Variants in IGF2R observed in about 807,000 individuals in gnomAD.
The protein encoded by IGF2R is insulin like growth factor 2 receptor, also known as cation-independent mannose-6-phosphate receptor.
A neutral mutation model predicts 270.6 loss-of-function variants in IGF2R; 91 were observed. The ratio of observed to expected loss-of-function variants is 0.34; its 90% CI spans 0.28 to 0.40. The LOEUF (loss-of-function observed/expected upper bound fraction) is 0.40, where lower values mean the gene tolerates loss of function less well. IGF2R is among the 10% of genes least tolerant of loss of function. The pLI is 1.00. For missense variants in IGF2R, 2,805 were observed against 3,188.3 expected (o/e 0.88, Z 2.90); for synonymous variants, 1,316 against 1,258.9 (o/e 1.05, Z -0.96).
rs776830332 is a variant in IGF2R at position 160,073,329 on chromosome 6, G to A, written c.4807G>A (p.Gly1603Ser). 1.2e-5 allele frequency: 19 copies of A among 1,614,144 alleles called. No individual in the cohort carries two copies. The highest frequency in any genetic ancestry group is 8.9e-5 in the East Asian group (4 of 44,896). Residue 1603 changes from glycine to serine, a missense_variant, in exon 34 of 48, where the codon GGC becomes AGC. By Grantham distance (56) the Gly-to-Ser change is moderately conservative. Transcript: ENST00000356956. ...TGGGTCCCCTTGTCCCTCCAAATCC[G>A]GCCTGAGCTATAAGAGTGTGATCAG... ...KDGSPCPSKS[G>S]LSYKSVISFV...
At chr6:160,023,438 T>C (rs1331658990) in intron 4 of IGF2R, among the ~76,000 whole-genome samples, 15 of 152,084 alleles carry the variant, frequency 9.9e-5, no homozygotes, top group Admixed American at 9.8e-4. Flanking sequence ...ACATGAAATT[T>C]GAGATGGTTT....
intron 5 of IGF2R, among the ~76,000 whole-genome samples, chr6:160,026,118 C>T (rs1259631828): frequency 6.6e-6 from 1 of 152,206 alleles, no homozygotes; most frequent in Non-Finnish European, 1.5e-5. Context: ...CTCCTTGCAT[C>T]CTCAGGGCGC....
intron 1 of IGF2R, among the ~76,000 whole-genome samples, chr6:159,979,113 T>C (rs1321441210): frequency 6.6e-6 from 1 of 152,216 alleles, no homozygotes; most frequent in Non-Finnish European, 1.5e-5. Flanking sequence ...GCCACCTTCT[T>C]CATGCCTGCT....
At chr6:160,046,743 ATGAC>A in intron 15 of IGF2R, 98 bp downstream of exon 15, 3 of 1,286,698 alleles carry the variant, frequency 2.3e-6, no homozygotes, top group Non-Finnish European at 3.2e-6. Context: ...TCATTGCTTT[ATGAC>A]AAGCATTTAA....
At chr6:160,104,214 T>C (rs1779560045) in intron 47 of IGF2R, among the ~76,000 whole-genome samples, 1 of 152,160 alleles carries the variant, frequency 6.6e-6, no homozygotes, top group African/African-American at 2.4e-5. Flanking sequence ...GTGGTCTCGA[T>C]GGGTAATGAT....
intron 1 of IGF2R, among the ~76,000 whole-genome samples, chr6:159,977,003 A>G (rs772484410): frequency 6.6e-6 from 1 of 152,216 alleles, no homozygotes; most frequent in Non-Finnish European, 1.5e-5. Context: ...GTGGACAGGC[A>G]TGTAGCTGGA....
Position 160,034,533 on chromosome 6 carries a change from G to T in IGF2R, c.1315+11G>T, listed in dbSNP as rs372480709. On this transcript the variant is annotated intron_variant, in intron 10 of 47. Coordinates refer to ENST00000356956, the MANE Select transcript of IGF2R (RefSeq NM_000876.4). ...GCAATAAAACCGCAGGTAAGTGTGC[G>T]CTGGAGTTCAGCCCCTCCTCTTTGC... 1.1e-4 allele frequency: 179 copies of T among 1,556,912 alleles called. 3 individuals are homozygous for T. The South Asian group carries it at 2.0e-3, about 17-fold the overall frequency.
chr6:160,107,337 G>C lies in IGF2R; in HGVS notation c.*2253G>C, dbSNP rs1389713193. On this transcript the variant is annotated 3_prime_UTR_variant, in exon 48 of 48. Transcript: ENST00000356956. Reference sequence around the variant, plus strand: ...CCTTGGTAAGCTGGATGGCAAAAAGGCATGTTGTCTGCACCACTGGCTGCC... The same window carrying C: ...CCTTGGTAAGCTGGATGGCAAAAAGCCATGTTGTCTGCACCACTGGCTGCC... 1.3e-5 allele frequency: 2 copies of C among 152,226 alleles called. No individual in the cohort carries two copies. Among genetic ancestry groups the C allele is most frequent in the African/African-American group, 4.8e-5 (2 of 41,458 alleles). The allele number at this position is 152,226 out of a possible 1,614,324, so 9.4% of individuals were successfully genotyped here. A position where few individuals can be genotyped will look rare whatever the true frequency, so the allele number is the denominator to read the frequency against.
Position 160,073,915 on chromosome 6 carries a change from C to T in IGF2R, c.5106C>T (p.His1702=), listed in dbSNP as rs140485195. ...TTTGTCAGCCACTAAATCCCATGCACGGAGTGCCCTGTCCTGCCGGAGCCG... is the reference window on the plus strand; with the variant it reads ...TTTGTCAGCCACTAAATCCCATGCATGGAGTGCCCTGTCCTGCCGGAGCCG... ...INICQPLNPM[H]GVPCPAGAAV... is the part of the protein sequence containing the mutation. The change falls in exon 35 of 48, where the codon CAC becomes CAT. Residue 1702 remains histidine, a synonymous_variant. Coordinates refer to ENST00000356956, the MANE Select transcript of IGF2R (RefSeq NM_000876.4). 37 of 1,614,194 alleles carry T rather than the reference C, an allele frequency of 2.3e-5. No homozygotes were observed. The highest frequency in any genetic ancestry group is 3.3e-5 in the South Asian group (3 of 91,078).
chr6:160,048,491 C>T lies in IGF2R; in HGVS notation c.2462C>T (p.Pro821Leu), dbSNP rs150801390. 255 of 1,614,146 alleles carry T rather than the reference C, an allele frequency of 1.6e-4. No homozygotes were observed. The African/African-American group carries it at 1.7e-3, about 11-fold the overall frequency. The change falls in exon 18 of 48, where the codon CCG becomes CTG. Residue 821 changes from proline (P) to leucine (L), a missense_variant. Pro to Leu is a moderately conservative substitution (Grantham distance 98). Coordinates refer to ENST00000356956, the MANE Select transcript of IGF2R (RefSeq NM_000876.4). Reference protein sequence around the residue: ...INVCRPLNPVPGCNRYASACQ... With the variant: ...INVCRPLNPVLGCNRYASACQ... ...GTGTGTCGGCCTCTGAATCCAGTGC[C>T]GGGCTGCAACCGATATGCATCGGCT...
intron 6 of IGF2R, among the ~76,000 whole-genome samples, chr6:160,028,722 G>A (rs1299932286): frequency 6.6e-6 from 1 of 152,128 alleles, no homozygotes; most frequent in East Asian, 1.9e-4. Flanking sequence ...GGTGCTGTGG[G>A]GTTAAGACAA....
intron 18 of IGF2R, among the ~76,000 whole-genome samples, chr6:160,048,945 G>C (rs965420421): frequency 3.9e-5 from 6 of 152,214 alleles, no homozygotes; most frequent in African/African-American, 1.4e-4. Flanking sequence ...GGATGAACCA[G>C]ATTCAAGCAC....
At chr6:160,047,708 T>G in intron 16 of IGF2R, 84 bp from the exon 17 acceptor site, 2 of 860,934 alleles carry the variant, frequency 2.3e-6, no homozygotes, top group African/African-American at 1.6e-5. Context: ...TTGGGAACAT[T>G]GCTCTCGTCC....
chr6:160,050,691 A>AT lies in IGF2R; in HGVS notation c.2694+45dup, dbSNP rs1248913224. The AT allele has an allele frequency of 1.3e-6, 2 of 1,552,802 alleles. No individual in the cohort carries two copies. Among genetic ancestry groups the AT allele is most frequent in the Middle Eastern group, 1.9e-4 (1 of 5,382 alleles). ...GCTGGCTGGTGACCTTCACTGCTGCATTTTTTGACTGAGCGTTGCCTTATG... is the reference window on the plus strand; with the variant it reads ...GCTGGCTGGTGACCTTCACTGCTGCATTTTTTTGACTGAGCGTTGCCTTATG... On this transcript the variant is annotated intron_variant, in intron 19 of 47. Coordinates refer to ENST00000356956, the MANE Select transcript of IGF2R (RefSeq NM_000876.4). The surrounding 1 kb of genome is among the most constrained non-coding windows in gnomAD (Gnocchi z 4.0).
At chr6:160,014,624 C>A (rs1777244377) in intron 4 of IGF2R, among the ~76,000 whole-genome samples, 1 of 152,234 alleles carries the variant, frequency 6.6e-6, no homozygotes, top group Non-Finnish European at 1.5e-5. Context: ...CATATGCCAT[C>A]TTGCTCCCTT....
intron 2 of IGF2R, among the ~76,000 whole-genome samples, chr6:159,996,879 G>A (rs951924292): frequency 5.9e-5 from 9 of 152,192 alleles, no homozygotes; most frequent in African/African-American, 2.2e-4. Context: ...TCCTGGCTCA[G>A]TGGAAGTCGT....
chr6:160,064,279 C>CT, intron 27 of IGF2R, 122 bp from the exon 28 acceptor site: 1 of 1,118,256 alleles, frequency 8.9e-7, no homozygotes, highest in Admixed American at 1.7e-5. Flanking sequence ...TGGTATGGTG[C>CT]TGGGAGGCCA....
In IGF2R at chr6:160,044,581, A is replaced by G. The variant is rs1171854912; in HGVS notation, c.1689A>G (p.Gln563=). The G allele has an allele frequency of 6.8e-6, 11 of 1,606,880 alleles. No homozygotes were observed. Among genetic ancestry groups the G allele is most frequent in the South Asian group, 2.2e-5 (2 of 90,318 alleles). Residue 563 remains glutamine (Q), a synonymous_variant, in exon 13 of 48, where the codon CAA becomes CAG. Transcript: ENST00000356956. Reference sequence around the variant, plus strand: ...CCATGAAAGAGAAAGGAAACATTCAACTCTCTTATTCAGATGGTGATGATT... The same window carrying G: ...CCATGAAAGAGAAAGGAAACATTCAGCTCTCTTATTCAGATGGTGATGATT... ...SSPMKEKGNI[Q]LSYSDGDDCG...
Position 160,073,469 on chromosome 6 carries a change from G to C in IGF2R, c.4947G>C (p.Ala1649=), listed in dbSNP as rs774685428. The part of the protein sequence containing the change: ...SWHTPLACEQ[A]TECSVRNGSS... The stretch of plus-strand genomic sequence containing the variant: ...ACACGCCGCTGGCCTGCGAGCAAGC[G>C]GTGAGTTTTCAGATGGGCACGGGAG... The change falls in exon 34 of 48, where the codon GCG becomes GCC. Residue 1649 remains alanine (A), a splice_region_variant and synonymous_variant. Transcript: ENST00000356956. 3 of 1,614,066 alleles carry C rather than the reference G, an allele frequency of 1.9e-6. No homozygotes were observed. The highest frequency in any genetic ancestry group is 2.5e-6 in the Non-Finnish European group (3 of 1,179,970).
Sources: allele counts gnomAD v4.1 joint callset (sites outside exome capture counted in the v4.1 genomes callset), GRCh38; gene constraint gnomAD v4.1.1; non-coding constraint Gnocchi (gnomAD v3.1); transcripts MANE v1.5; gene names NCBI Gene and HGNC (gene_info 2026-07-23, HGNC 2026-07-21).